TMEM144: variants seen among roughly 807,000 people sequenced by gnomAD.
TMEM144 encodes transmembrane protein 144.
A neutral mutation model predicts 43.6 loss-of-function variants in TMEM144; 39 were observed. The observed-to-expected ratio is 0.90, with a 90% confidence interval of 0.69 to 1.17. TMEM144 has a LOEUF of 1.17. TMEM144 is among the 50% of genes most tolerant of loss of function. TMEM144 has a pLI of 0.00. For missense variants in TMEM144, 417 were observed against 411.9 expected (o/e 1.01, Z -0.11); for synonymous variants, 154 against 133.6 (o/e 1.15, Z -1.06).
chr4:158,218,037 G>A (rs1384053285), intron 5 of TMEM144, among the ~76,000 whole-genome samples: 2 of 152,132 alleles, frequency 1.3e-5, no homozygotes, highest in Non-Finnish European at 2.9e-5. Context: ...GACCCACAAA[G>A]CCTAAATTAT....
At chr4:158,212,468 C>A in intron 2 of TMEM144, 140 bp from the exon 3 acceptor site, 1 of 412,414 alleles carries the variant, frequency 2.4e-6, no homozygotes, top group South Asian at 6.4e-5. Context: ...GAAGTACAAA[C>A]ATTATATATA....
At chr4:158,229,199 C>G (rs1734935203) in intron 6 of TMEM144, among the ~76,000 whole-genome samples, 1 of 152,140 alleles carries the variant, frequency 6.6e-6, no homozygotes, top group South Asian at 2.1e-4. Flanking sequence ...CTTCCCTTTT[C>G]TGAGTATAAA....
intron 11 of TMEM144, among the ~76,000 whole-genome samples, chr4:158,243,334 TAA>T (rs966825389): frequency 6.6e-6 from 1 of 152,176 alleles, no homozygotes; most frequent in Non-Finnish European, 1.5e-5. Context: ...CAGATACTGA[TAA>T]ACAGAGAGGA....
At chr4:158,225,003 G>C (rs1216819563) in intron 6 of TMEM144, among the ~76,000 whole-genome samples, 1 of 152,194 alleles carries the variant, frequency 6.6e-6, no homozygotes, top group Non-Finnish European at 1.5e-5. Flanking sequence ...TGGTTATGCA[G>C]GGATTTTCAC....
rs553910444 is a variant in TMEM144 at position 158,231,786 on chromosome 4, A to G, written c.414-1115A>G. ...GAAGCCAATACGAGGATTTATGTTG[A>G]GATAGGTTGGATGGAACATAATGCA... is the stretch of plus-strand genomic sequence containing the variant. On this transcript the variant is annotated intron_variant, in intron 6 of 12. Coordinates refer to ENST00000296529, the MANE Select transcript of TMEM144 (RefSeq NM_018342.5). Among the ~76,000 whole-genome samples, 69 of 152,286 alleles carry G rather than the reference A, an allele frequency of 4.5e-4. 1 individual carries two copies. The highest frequency in any genetic ancestry group is 1.6e-3 in the African/African-American group (67 of 41,564).
At chr4:158,238,969 CAT>C (rs529410716) in intron 9 of TMEM144, among the ~76,000 whole-genome samples, 18 of 152,272 alleles carry the variant, frequency 1.2e-4, no homozygotes, top group Non-Finnish European at 2.2e-4. Context: ...TTTAAAAACA[CAT>C]ATGTAATATG....
intron 12 of TMEM144, among the ~76,000 whole-genome samples, chr4:158,246,626 T>G (rs1171235029): frequency 6.6e-6 from 1 of 152,138 alleles, no homozygotes; most frequent in Non-Finnish European, 1.5e-5. Flanking sequence ...TTCTCATTTA[T>G]TGTAGTCAGA....
At chr4:158,252,967 A>T (rs1279897413) in intron 12 of TMEM144, among the ~76,000 whole-genome samples, 2 of 152,126 alleles carry the variant, frequency 1.3e-5, no homozygotes, top group African/African-American at 4.8e-5. Flanking sequence ...GCTTTTTCTT[A>T]CAACAGGACT....
At chr4:158,247,033 C>G (rs1735924877) in intron 12 of TMEM144, among the ~76,000 whole-genome samples, 1 of 151,838 alleles carries the variant, frequency 6.6e-6, no homozygotes, top group South Asian at 2.1e-4. Flanking sequence ...AAAGACACAT[C>G]AGACTGAATA....
In TMEM144 at chr4:158,248,641, AG is replaced by A. The variant is rs1736014156; in HGVS notation, c.954+4293del. On this transcript the variant is annotated intron_variant, in intron 12 of 12. Coordinates refer to ENST00000296529, the MANE Select transcript of TMEM144 (RefSeq NM_018342.5). ...TAAATATCATAAGAATAATTTTTAA[AG>A]TATTTTTGTAGAAACAGGACAAAAA... 4.6e-5 allele frequency among the ~76,000 whole-genome samples: 7 copies of A among 152,350 alleles called. No homozygotes were observed. The South Asian group carries it at 1.5e-3, about 32-fold the overall frequency.
Position 158,243,554 on chromosome 4 carries a change from A to G in TMEM144, c.901-742A>G, listed in dbSNP as rs1472450605. Among the ~76,000 whole-genome samples the G allele has an allele frequency of 3.3e-5, 5 of 152,230 alleles. No homozygotes were observed. In the East Asian group the frequency reaches 9.6e-4, roughly 29 times the overall value. Reference sequence around the variant, plus strand: ...AAGACCACACCTAGCCCGCATTCCAATTTTCTTCCTTCTCAGCTAAGAAGA... The same window carrying G: ...AAGACCACACCTAGCCCGCATTCCAGTTTTCTTCCTTCTCAGCTAAGAAGA... On this transcript the variant is annotated intron_variant, in intron 11 of 12. Transcript: ENST00000296529.
In TMEM144 at chr4:158,212,761, T is replaced by C; in HGVS notation, c.94T>C (p.Phe32Leu). 6.2e-7 allele frequency: 1 copy of C among 1,612,158 alleles called. No homozygotes were observed. Among genetic ancestry groups the C allele is most frequent in the East Asian group, 2.2e-5 (1 of 44,806 alleles). Residue 32 changes from phenylalanine to leucine, a missense_variant, in exon 3 of 13, where the codon TTT becomes CTT. Coordinates refer to ENST00000296529, the MANE Select transcript of TMEM144 (RefSeq NM_018342.5). ...FGSNFVPLKK[F>L]DTGDGMFLQW... ...CTCAAATTTTGTGCCACTTAAAAAA[T>C]TTGATACTGGTGATGGTAATTATTT...
chr4:158,247,012 G>A (rs1735922508), intron 12 of TMEM144, among the ~76,000 whole-genome samples: 1 of 151,770 alleles, frequency 6.6e-6, no homozygotes, highest in Non-Finnish European at 1.5e-5. Flanking sequence ...TTTTGGTAAA[G>A]ACATCTTTAA....
At chr4:158,245,213 AGT>A (rs759486531) in intron 12 of TMEM144, among the ~76,000 whole-genome samples, 1 of 125,600 alleles carries the variant, frequency 8.0e-6, no homozygotes, top group African/African-American at 3.1e-5. Context: ...TTCTAGTAAG[AGT>A]GTGTGTGTGT....
chr4:158,221,160 A>C (rs575869418), intron 6 of TMEM144, among the ~76,000 whole-genome samples: 1 of 152,288 alleles, frequency 6.6e-6, no homozygotes, highest in East Asian at 1.9e-4. Flanking sequence ...CAAAGTGTCT[A>C]TCAGTCTGTA....
At chr4:158,250,957 G>A (rs1736171601) in intron 12 of TMEM144, among the ~76,000 whole-genome samples, 1 of 152,158 alleles carries the variant, frequency 6.6e-6, no homozygotes, top group African/African-American at 2.4e-5. Flanking sequence ...ATTTTCACCA[G>A]AGAGGGAGGA....
chr4:158,232,557 C>T (rs920496109), intron 6 of TMEM144, among the ~76,000 whole-genome samples: 2 of 152,186 alleles, frequency 1.3e-5, no homozygotes, highest in African/African-American at 2.4e-5. Context: ...TGAGGATGTT[C>T]AACTTTTGAA....
At chr4:158,244,441 G>T (rs1735786079) in intron 12 of TMEM144, 92 bp downstream of exon 12, 5 of 1,009,364 alleles carry the variant, frequency 5.0e-6, no homozygotes, top group Non-Finnish European at 7.6e-6. Flanking sequence ...GGAGGCCGAG[G>T]CAGGTGGATC....
At chr4:158,217,982 T>C (rs949327385) in intron 5 of TMEM144, among the ~76,000 whole-genome samples, 1 of 152,186 alleles carries the variant, frequency 6.6e-6, no homozygotes, top group Non-Finnish European at 1.5e-5. Context: ...TGTCTATGGC[T>C]ATTTTTATGT....
Sources: gnomAD v4.1 joint callset for allele counts (sites outside exome capture counted in the v4.1 genomes callset) on GRCh38, gnomAD v4.1.1 for gene constraint, MANE v1.5 for transcripts, NCBI Gene and HGNC (gene_info 2026-07-23, HGNC 2026-07-21) for gene names.